The following ADGRV1 variants were observed in gnomAD, a reference collection of about 807,000 sequenced individuals.
ADGRV1 encodes G-protein coupled receptor 98.
Under a neutral mutation model 596.2 loss-of-function variants are expected in ADGRV1, and 359 were observed. The ratio of observed to expected loss-of-function variants is 0.60; its 90% CI spans 0.55 to 0.66. ADGRV1 has a LOEUF of 0.66. Ranked by LOEUF, ADGRV1 falls within the 30% of genes least tolerant of loss-of-function variation. ADGRV1 has a pLI of 0.00. For synonymous variants in ADGRV1, 2,681 were observed against 2,679.2 expected (o/e 1.00, Z -0.02); for missense variants, 7,274 against 7,575.6 (o/e 0.96, Z 1.48).
At chr5:90,825,999 A>T (rs1223487823) in intron 76 of ADGRV1, 1 of 152,210 alleles carries the variant, frequency 6.6e-6, no homozygotes, top group African/African-American at 2.4e-5. Flanking sequence ...AAGGCAAGGA[A>T]CAAGCAAGGT....
intron 50 of ADGRV1, among the ~76,000 whole-genome samples, chr5:90,733,996 G>A (rs890580162): frequency 6.6e-6 from 1 of 152,016 alleles, no homozygotes; most frequent in African/African-American, 2.4e-5. Flanking sequence ...AAAAGATTCC[G>A]CAACTAGTGA....
intron 84 of ADGRV1, among the ~76,000 whole-genome samples, chr5:90,983,780 A>T (rs1780271528): frequency 6.6e-6 from 1 of 152,182 alleles, no homozygotes; most frequent in South Asian, 2.1e-4. Flanking sequence ...AGAGATATGG[A>T]GTGCTGGCAG....
intron 67 of ADGRV1, among the ~76,000 whole-genome samples, chr5:90,787,590 C>CTTTTTTTTTTT (rs35504697): frequency 1.7e-5 from 2 of 118,902 alleles, no homozygotes; most frequent in Non-Finnish European, 3.6e-5. Context: ...TTCTTTCTTT[C>CTTTTTTTTTTT]TTTTTTTTTT....
At chr5:91,088,999 T>C (rs371762307) in intron 86 of ADGRV1, among the ~76,000 whole-genome samples, 22 of 152,218 alleles carry the variant, frequency 1.4e-4, no homozygotes, top group Admixed American at 9.2e-4. Flanking sequence ...TCCCTTTTTT[T>C]TCTCTGTAAG....
chr5:90,900,820 T>C (rs1236036226), intron 83 of ADGRV1, among the ~76,000 whole-genome samples: 1 of 152,144 alleles, frequency 6.6e-6, no homozygotes, highest in Non-Finnish European at 1.5e-5. Flanking sequence ...CACCCAGCAA[T>C]GCTTTTCTTT....
At chr5:90,980,081 T>G (rs1562038059) in intron 84 of ADGRV1, among the ~76,000 whole-genome samples, 1 of 152,190 alleles carries the variant, frequency 6.6e-6, no homozygotes, top group Non-Finnish European at 1.5e-5. Flanking sequence ...GGGCTTTCAA[T>G]TAGGTACTCC....
chr5:90,897,263 G>A (rs185039501), intron 83 of ADGRV1, among the ~76,000 whole-genome samples: 114 of 152,234 alleles, frequency 7.5e-4, no homozygotes, highest in African/African-American at 2.6e-3. Context: ...AAAATAAACT[G>A]TTGACAGAAA....
intron 83 of ADGRV1, among the ~76,000 whole-genome samples, chr5:90,871,204 G>A (rs1298335644): frequency 6.6e-6 from 1 of 152,036 alleles, no homozygotes; most frequent in African/African-American, 2.4e-5. Flanking sequence ...TGCTTTGGAG[G>A]ATTACAATGA....
intron 58 of ADGRV1, 112 bp from the exon 59 acceptor site, chr5:90,763,193 C>A: frequency 1.0e-6 from 1 of 956,422 alleles, no homozygotes; most frequent in Non-Finnish European, 1.4e-6. Flanking sequence ...TTACATGTAA[C>A]ATTCTAAATT....
chr5:91,144,840 C>T (rs146050770), intron 87 of ADGRV1, among the ~76,000 whole-genome samples: 1 of 152,182 alleles, frequency 6.6e-6, no homozygotes, highest in Non-Finnish European at 1.5e-5. Context: ...TTTATCCTTA[C>T]GTCTCAGTGC....
intron 1 of ADGRV1, among the ~76,000 whole-genome samples, chr5:90,579,059 C>T (rs1221452036): frequency 6.6e-6 from 1 of 152,166 alleles, no homozygotes; most frequent in Non-Finnish European, 1.5e-5. Flanking sequence ...AAACCAGCTC[C>T]TGGATTCATT....
At chr5:90,745,828 C>G (rs1561646768) in intron 52 of ADGRV1, 33 bp downstream of exon 52, 1 of 1,204,672 alleles carries the variant, frequency 8.3e-7, no homozygotes, top group Admixed American at 1.7e-5. Context: ...ACTTGCAATG[C>G]AAAATGTTTT....
In ADGRV1 at chr5:90,685,794, C is replaced by G. The variant is rs16868974; in HGVS notation, c.6289C>G (p.Arg2097Gly). The G allele has an allele frequency of 5.0e-6, 8 of 1,607,360 alleles. No individual in the cohort carries two copies. Among genetic ancestry groups the G allele is most frequent in the South Asian group, 2.2e-5 (2 of 90,644 alleles). Residue 2097 changes from arginine to glycine, a missense_variant, in exon 29 of 90, where the codon CGT becomes GGT. Arg to Gly is a moderately radical substitution (Grantham distance 125). Coordinates refer to ENST00000405460, the MANE Select transcript of ADGRV1 (RefSeq NM_032119.4). ...VQSRSIPNSP[R>G]LGPKVETIAQ... The stretch of plus-strand genomic sequence containing the variant: ...CTGTCTTTCAGTTCCAAATTCTCCA[C>G]GTCTTGGGCCTAAGGTAGAAACTAT...
Position 90,756,976 on chromosome 5 carries a change from A to C in ADGRV1, c.11758-3A>C, listed in dbSNP as rs2149983414. 6.3e-7 allele frequency: 1 copy of C among 1,579,288 alleles called. No homozygotes were observed. Among genetic ancestry groups the C allele is most frequent in the East Asian group, 2.2e-5 (1 of 44,528 alleles). On this transcript the variant is annotated splice_region_variant and splice_polypyrimidine_tract_variant and intron_variant, in intron 56 of 89. Transcript: ENST00000405460. ...GCCTTTCAATTATATTCTTTACTTAAAGGGCGCTGGGGAAGTTATTACTGC... is the reference window on the plus strand; with the variant it reads ...GCCTTTCAATTATATTCTTTACTTACAGGGCGCTGGGGAAGTTATTACTGC...
chr5:90,809,566 T>C (rs1449636037), intron 73 of ADGRV1, among the ~76,000 whole-genome samples: 1 of 152,010 alleles, frequency 6.6e-6, no homozygotes, highest in Non-Finnish European at 1.5e-5. Flanking sequence ...ACCTGAAGAA[T>C]CCTCCCTAAA....
At chr5:90,778,071 G>A in intron 62 of ADGRV1, 28 bp downstream of exon 62, 1 of 1,547,152 alleles carries the variant, frequency 6.5e-7, no homozygotes, top group Non-Finnish European at 8.7e-7. Context: ...TTTCTTTTAT[G>A]CCCTTTACTC....
At chr5:90,591,467 G>T (rs971044118) in intron 1 of ADGRV1, among the ~76,000 whole-genome samples, 2 of 151,802 alleles carry the variant, frequency 1.3e-5, no homozygotes, top group Non-Finnish European at 2.9e-5. Context: ...ATTATCTACT[G>T]GTTAGATAAA....
chr5:90,705,312 A>G, intron 36 of ADGRV1, 88 bp from the exon 37 acceptor site: 1 of 1,059,064 alleles, frequency 9.4e-7, no homozygotes, highest in South Asian at 1.6e-5. Flanking sequence ...ACTTTTGATT[A>G]CCTTAATGTT....
chr5:90,933,967 G>A (rs1775469015), intron 83 of ADGRV1, among the ~76,000 whole-genome samples: 1 of 152,136 alleles, frequency 6.6e-6, no homozygotes, highest in Non-Finnish European at 1.5e-5. Context: ...AGGGAGGTAG[G>A]CAAGGGGCCT....
Sources: allele counts gnomAD v4.1 joint callset (sites outside exome capture counted in the v4.1 genomes callset), GRCh38; gene constraint gnomAD v4.1.1; transcripts MANE v1.5; gene names NCBI Gene and HGNC (gene_info 2026-07-23, HGNC 2026-07-21).